Variants in HECW2 observed in about 807,000 individuals in gnomAD.
The protein encoded by HECW2 is E3 ubiquitin-protein ligase HECW2.
HECW2 carries 61 observed loss-of-function variants against 175.2 expected under a neutral mutation model. That is an observed-to-expected ratio of 0.35 (90% confidence interval 0.28 to 0.43). The LOEUF (loss-of-function observed/expected upper bound fraction) is 0.43. HECW2 is among the 20% of genes least tolerant of loss of function. HECW2 has a pLI of 1.00. For synonymous variants in HECW2, 671 were observed against 731.0 expected, an observed-to-expected ratio of 0.92 and a Z score of 1.32; for missense variants, 1,524 against 2,000.5, an observed-to-expected ratio of 0.76 and a Z score of 4.54.
intron 2 of HECW2, among the ~76,000 whole-genome samples, chr2:196,364,420 T>C (rs1327555319): frequency 1.3e-5 from 2 of 152,204 alleles, no homozygotes; most frequent in Non-Finnish European, 2.9e-5. Context: ...TTCACTGGGA[T>C]GGTAATTTTT....
intron 1 of HECW2, among the ~76,000 whole-genome samples, chr2:196,549,747 A>G (rs984043006): frequency 1.3e-5 from 2 of 152,204 alleles, no homozygotes; most frequent in Admixed American, 6.5e-5. Flanking sequence ...ATTATAATAC[A>G]AGCAATTTTC....
intron 1 of HECW2, among the ~76,000 whole-genome samples, chr2:196,472,689 T>C (rs1697260651): frequency 6.6e-6 from 1 of 151,986 alleles, no homozygotes; most frequent in Admixed American, 6.5e-5. Context: ...TGGCGCGATT[T>C]CAGCTCACTG....
intron 2 of HECW2, among the ~76,000 whole-genome samples, chr2:196,427,679 C>A (rs558936978): frequency 1.3e-5 from 2 of 152,062 alleles, no homozygotes; most frequent in African/African-American, 2.4e-5. Context: ...TGGAGACCAA[C>A]AATAAATTAT....
At chr2:196,364,434 G>A (rs1356346683) in intron 2 of HECW2, among the ~76,000 whole-genome samples, 3 of 152,312 alleles carry the variant, frequency 2.0e-5, no homozygotes, top group African/African-American at 7.2e-5. Context: ...AATTTTTTAA[G>A]CACAAGTAAT....
At chr2:196,478,691 C>G (rs760151393) in intron 1 of HECW2, among the ~76,000 whole-genome samples, 2 of 152,028 alleles carry the variant, frequency 1.3e-5, no homozygotes, top group African/African-American at 4.8e-5. Flanking sequence ...GCAGAAGAAG[C>G]AATCCAGCCC....
chr2:196,502,520 C>T (rs1210073995), intron 1 of HECW2, among the ~76,000 whole-genome samples: 9 of 152,172 alleles, frequency 5.9e-5, no homozygotes, highest in Admixed American at 5.2e-4. Context: ...TACACATAAT[C>T]GCACTCCAAT....
chr2:196,518,393 C>T (rs560398919), intron 1 of HECW2, among the ~76,000 whole-genome samples: 74 of 152,116 alleles, frequency 4.9e-4, no homozygotes, highest in Non-Finnish European at 8.5e-4. Context: ...CGGTGGCTCA[C>T]GACTGTAATC....
chr2:196,204,249 C>T (rs1686981462), intron 28 of HECW2, among the ~76,000 whole-genome samples: 1 of 152,168 alleles, frequency 6.6e-6, no homozygotes, highest in Admixed American at 6.5e-5. Flanking sequence ...TTGCATTTTT[C>T]ATAGTGGCTG....
rs757039617 is a variant in HECW2, at chr2:196,379,698, AAAAAAC to A, written c.293-35940_293-35935del. ...ATACTCCGTCTCAAAAAAAAAAAAAAAAAAACAAAAAGATTATGGCACCTTAAGGAC... is the reference window on the plus strand; with the variant it reads ...ATACTCCGTCTCAAAAAAAAAAAAAAAAAAAGATTATGGCACCTTAAGGAC... On this transcript the variant is annotated intron_variant, in intron 2 of 28. Transcript: ENST00000644978. Among the ~76,000 whole-genome samples, 8 of 16,932 alleles carry A rather than the reference AAAAAAC, an allele frequency of 4.7e-4. No individual in the cohort carries two copies. In the East Asian group the frequency reaches 0.022, roughly 48 times the overall value. 11.1% of individuals were successfully genotyped at this position (16,932 alleles called of 152,430 possible). A position where few individuals can be genotyped will look rare whatever the true frequency, so the allele number is the denominator to read the frequency against.
intron 2 of HECW2, among the ~76,000 whole-genome samples, chr2:196,379,945 A>G (rs1304413168): frequency 1.3e-5 from 2 of 151,964 alleles, no homozygotes; most frequent in Admixed American, 1.3e-4. Flanking sequence ...GCTCTACATT[A>G]AAGGTGACAT....
At chr2:196,339,356 T>C (rs1216557722) in intron 3 of HECW2, among the ~76,000 whole-genome samples, 2 of 152,248 alleles carry the variant, frequency 1.3e-5, no homozygotes, top group African/African-American at 4.8e-5. Context: ...GCATACTGTT[T>C]CCTAATCCTA....
intron 2 of HECW2, among the ~76,000 whole-genome samples, chr2:196,388,758 AG>A (rs1321926811): frequency 6.6e-6 from 1 of 152,222 alleles, no homozygotes; most frequent in African/African-American, 2.4e-5. Context: ...ACAAGATAAG[AG>A]GCAAATTTGT....
intron 1 of HECW2, among the ~76,000 whole-genome samples, chr2:196,580,684 G>A (rs1368621659): frequency 6.7e-6 from 1 of 150,280 alleles, no homozygotes; most frequent in Non-Finnish European, 1.5e-5. Flanking sequence ...GGAAAGAGGT[G>A]GAGAAACTGG....
chr2:196,559,468 T>C (rs1041205084), intron 1 of HECW2, among the ~76,000 whole-genome samples: 1 of 152,156 alleles, frequency 6.6e-6, no homozygotes, highest in Non-Finnish European at 1.5e-5. Flanking sequence ...GAAGCTAACG[T>C]TGGGCTAATG....
chr2:196,201,059 C>A lies in HECW2; in HGVS notation c.*218G>T. On this transcript the variant is annotated 3_prime_UTR_variant, in exon 29 of 29. Transcript: ENST00000644978. Reference sequence around the variant, plus strand: ...CAGTCAAGAACTGTTGATTGAAAGACGGTTGGGTTGTTCCCTGGGCATCAA... The same window carrying A: ...CAGTCAAGAACTGTTGATTGAAAGAAGGTTGGGTTGTTCCCTGGGCATCAA... The A allele has an allele frequency of 2.1e-6, 1 of 487,690 alleles. No individual in the cohort carries two copies. Among genetic ancestry groups the A allele is most frequent in the Non-Finnish European group, 3.8e-6 (1 of 265,456 alleles). 30.2% of individuals were successfully genotyped at this position (487,690 alleles called of 1,614,324 possible).
At chr2:196,504,982 C>T (rs1467652617) in intron 1 of HECW2, among the ~76,000 whole-genome samples, 1 of 152,120 alleles carries the variant, frequency 6.6e-6, no homozygotes, top group African/African-American at 2.4e-5. Context: ...CTACCTATAT[C>T]TGTAAAACTA....
At chr2:196,253,875 G>C in intron 19 of HECW2, 45 bp downstream of exon 19, 1 of 1,572,058 alleles carries the variant, frequency 6.4e-7, no homozygotes, top group South Asian at 1.1e-5. Context: ...CTGGCTTGAA[G>C]GTTCACTCCT....
intron 1 of HECW2, among the ~76,000 whole-genome samples, chr2:196,570,812 G>T (rs1463624979): frequency 3.3e-5 from 5 of 151,968 alleles, no homozygotes; most frequent in Non-Finnish European, 7.4e-5. Flanking sequence ...TAGTATCATG[G>T]GACAATAACC....
chr2:196,364,022 A>C lies in HECW2; in HGVS notation c.293-20258T>G, dbSNP rs533474702. On this transcript the variant is annotated intron_variant, in intron 2 of 28. Transcript: ENST00000644978. Reference sequence around the variant, plus strand: ...CTTGACTACTTTCTAGTTATGGACCAATAGACTCTGTTGGGTAGAAGAGAG... The same window carrying C: ...CTTGACTACTTTCTAGTTATGGACCCATAGACTCTGTTGGGTAGAAGAGAG... Among the ~76,000 whole-genome samples, 65 of 152,240 alleles carry C rather than the reference A, an allele frequency of 4.3e-4. 1 individual carries two copies. Among genetic ancestry groups the C allele is most frequent in the Admixed American group, 4.3e-3 (65 of 15,294 alleles).
Sources: gnomAD v4.1 joint callset for allele counts (sites outside exome capture counted in the v4.1 genomes callset) on GRCh38, gnomAD v4.1.1 for gene constraint, MANE v1.5 for transcripts, NCBI Gene and HGNC (gene_info 2026-07-23, HGNC 2026-07-21) for gene names.